Variants in ZNF713 observed in about 807,000 individuals in gnomAD.
ZNF713 encodes zinc finger protein 713.
A neutral mutation model predicts 28.7 loss-of-function variants in ZNF713; 21 were observed. That is an observed-to-expected ratio of 0.73 (90% CI 0.52 to 1.05). The LOEUF is 1.05. Ranked by LOEUF, ZNF713 falls within the 50% of genes least tolerant of loss-of-function variation. The pLI, the probability that ZNF713 is intolerant of heterozygous loss-of-function variation, is 0.00. For synonymous variants in ZNF713, 167 were observed against 178.0 expected (o/e 0.94, Z 0.49); for missense variants, 458 against 532.4 (o/e 0.86, Z 1.37).
intron 1 of ZNF713, among the ~76,000 whole-genome samples, chr7:55,894,524 T>G (rs1463069253): frequency 2.0e-5 from 3 of 152,254 alleles, no homozygotes; most frequent in Admixed American, 6.5e-5. Flanking sequence ...GTTTATGTAT[T>G]TCAAAAGAAC....
rs1417590040 is a variant in ZNF713, at chr7:55,923,666, A to T, written c.274A>T (p.Ile92Leu). Residue 92 changes from isoleucine to leucine, a missense_variant, in exon 6 of 7, where the codon ATA (isoleucine) becomes TTA (leucine). Physicochemically the swap from Ile to Leu is conservative, Grantham distance 5 (BLOSUM62 2). Coordinates refer to ENST00000429591, the MANE Select transcript of ZNF713 (RefSeq NM_182633.3). ...AQLELEEEWV[I>L]ERDSLLDTHP... Reference sequence around the variant, plus strand: ...GTTGGAGCTAGAGGAAGAATGGGTGATAGAAAGAGACAGCCTGCTGGATAC... The same window carrying T: ...GTTGGAGCTAGAGGAAGAATGGGTGTTAGAAAGAGACAGCCTGCTGGATAC... 6.2e-7 allele frequency: 1 copy of T among 1,612,272 alleles called. No homozygotes were observed. The highest frequency in any genetic ancestry group is 8.5e-7 in the Non-Finnish European group (1 of 1,179,200).
chr7:55,933,946 T>C (rs1268541198), intron 6 of ZNF713, among the ~76,000 whole-genome samples: 5 of 151,750 alleles, frequency 3.3e-5, no homozygotes, highest in Admixed American at 3.3e-4. Flanking sequence ...GCTCAAGCAT[T>C]TGCCCACCTT....
chr7:55,887,713 AGGCGGAGGCGGGGGGCGGAGGCGGGG>A, intron 1 of ZNF713, 33 bp downstream of exon 1: 1 of 45,670 alleles, frequency 2.2e-5, no homozygotes, highest in Non-Finnish European at 4.3e-5. Context: ...CGGAGGCGGG[AGGCGGAGGCGGGGGGCGGAGGCGGGG>A]GGCGGAGGCG....
intron 1 of ZNF713, among the ~76,000 whole-genome samples, chr7:55,890,314 G>A (rs534954103): frequency 1.1e-4 from 17 of 152,112 alleles, no homozygotes; most frequent in Admixed American, 8.5e-4. Flanking sequence ...GCCGGGTGTG[G>A]TGGTGGGTGC....
At chr7:55,924,144 C>A (rs1413983536) in intron 6 of ZNF713, 1 of 154,246 alleles carries the variant, frequency 6.5e-6, no homozygotes, top group African/African-American at 2.4e-5. Flanking sequence ...TTCATCTTTT[C>A]TTTTTCCTTT....
intron 4 of ZNF713, among the ~76,000 whole-genome samples, chr7:55,915,290 C>T (rs1785859576): frequency 6.6e-6 from 1 of 152,240 alleles, no homozygotes; most frequent in African/African-American, 2.4e-5. Flanking sequence ...ATGATTCATT[C>T]ACTCAATAAA....
intron 4 of ZNF713, among the ~76,000 whole-genome samples, chr7:55,921,548 C>T (rs1785994034): frequency 6.6e-6 from 1 of 152,304 alleles, no homozygotes; most frequent in Middle Eastern, 3.4e-3. Context: ...TTCCAACCCT[C>T]ATGAATGACT....
At chr7:55,936,219 T>A (rs1454372915) in intron 6 of ZNF713, among the ~76,000 whole-genome samples, 1 of 134,956 alleles carries the variant, frequency 7.4e-6, no homozygotes, top group South Asian at 2.3e-4. Context: ...GAGCTGAGAT[T>A]ACACCACTGC....
chr7:55,887,849 GGCGGCGGGCGGCGGGCGGCGGCGGC>G (rs1408194415), intron 1 of ZNF713, among the ~76,000 whole-genome samples, 169 bp downstream of exon 1: 1,176 of 5,386 alleles, frequency 0.22, 456 homozygotes, highest in African/African-American at 0.66. Context: ...GGGCGGCGGC[GGCGGCGGGCGGCGGGCGGCGGCGGC>G]GGCGGCGGCG....
At chr7:55,923,567 C>T (rs1179021876) in intron 5 of ZNF713, 40 bp from the exon 6 acceptor site, 4 of 1,513,006 alleles carry the variant, frequency 2.6e-6, no homozygotes, top group Non-Finnish European at 3.6e-6. Context: ...ATTTTGTTCC[C>T]AGTACAAACT....
Position 55,900,260 on chromosome 7 carries a change from G to C in ZNF713, c.-582-5993G>C, listed in dbSNP as rs566591521. 4.9e-4 allele frequency among the ~76,000 whole-genome samples: 75 copies of C among 152,198 alleles called. 2 individuals carry two copies. The South Asian group carries it at 0.014, about 29-fold the overall frequency. Reference sequence around the variant, plus strand: ...CGAGGCAGGCGGATCACGAGGTCAGGAGTTTGAGATCAGCCTGACCAACAT... The same window carrying C: ...CGAGGCAGGCGGATCACGAGGTCAGCAGTTTGAGATCAGCCTGACCAACAT... On this transcript the variant is annotated intron_variant, in intron 1 of 6. Coordinates refer to ENST00000429591, the MANE Select transcript of ZNF713 (RefSeq NM_182633.3).
At chr7:55,912,609 T>C in intron 3 of ZNF713, 26 bp from the exon 4 acceptor site, 1 of 1,540,146 alleles carries the variant, frequency 6.5e-7, no homozygotes, top group Non-Finnish European at 8.9e-7. Flanking sequence ...TGTCATATAT[T>C]AACAAGATGC....
chr7:55,910,131 G>A (rs569472154), intron 2 of ZNF713, among the ~76,000 whole-genome samples: 1 of 151,946 alleles, frequency 6.6e-6, no homozygotes, highest in Non-Finnish European at 1.5e-5. Flanking sequence ...AAAATGCTGG[G>A]ATTATAGGCA....
At chr7:55,898,133 C>G (rs1325630549) in intron 1 of ZNF713, among the ~76,000 whole-genome samples, 1 of 152,162 alleles carries the variant, frequency 6.6e-6, no homozygotes, top group Non-Finnish European at 1.5e-5. Flanking sequence ...AACAGAAGAC[C>G]TGAAGCTATA....
intron 2 of ZNF713, among the ~76,000 whole-genome samples, chr7:55,909,909 T>G (rs894249967): frequency 8.0e-5 from 12 of 150,438 alleles, no homozygotes; most frequent in African/African-American, 3.0e-4. Context: ...ATTCTTTTAC[T>G]TTTTTTCTTA....
intron 1 of ZNF713, among the ~76,000 whole-genome samples, chr7:55,896,797 A>G (rs1192102780): frequency 6.6e-6 from 1 of 152,084 alleles, no homozygotes; most frequent in Non-Finnish European, 1.5e-5. Flanking sequence ...AGTAAAAGGA[A>G]CCAGGGCACT....
intron 5 of ZNF713, 61 bp downstream of exon 5, chr7:55,923,349 T>A: frequency 6.4e-7 from 1 of 1,551,962 alleles, no homozygotes. Flanking sequence ...CCTGAACTAG[T>A]AGAAGCCTGC....
intron 1 of ZNF713, among the ~76,000 whole-genome samples, chr7:55,900,535 A>T (rs913804297): frequency 6.6e-6 from 1 of 152,180 alleles, no homozygotes; most frequent in Non-Finnish European, 1.5e-5. Flanking sequence ...GGGAAATTAT[A>T]TTATTCGTGA....
intron 4 of ZNF713, chr7:55,918,180 G>A (rs1227334680): frequency 2.9e-5 from 13 of 450,184 alleles, no homozygotes; most frequent in South Asian, 4.7e-5. Flanking sequence ...CTCTAAACCC[G>A]ACCACCTTGT....
Sources: gnomAD v4.1 joint callset for allele counts (sites outside exome capture counted in the v4.1 genomes callset) on GRCh38, gnomAD v4.1.1 for gene constraint, MANE v1.5 for transcripts, NCBI Gene and HGNC (gene_info 2026-07-23, HGNC 2026-07-21) for gene names.